Variants in GSAP observed in about 807,000 individuals in gnomAD.
GSAP encodes gamma-secretase activating protein.
GSAP carries 118 observed loss-of-function variants against 131.7 expected under a neutral mutation model. That is an observed-to-expected ratio of 0.90 (90% confidence interval 0.77 to 1.04). The LOEUF (loss-of-function observed/expected upper bound fraction) is 1.04, where lower values mean the gene tolerates loss of function less well. Ranked by LOEUF, GSAP falls within the 50% of genes least tolerant of loss-of-function variation. The probability of loss-of-function intolerance (pLI) is 0.00; values close to 1 mark genes in which losing one functional copy is unlikely to be tolerated. For synonymous variants in GSAP, 381 were observed against 363.4 expected (o/e 1.05, Z -0.55); for missense variants, 1,019 against 1,013.2 (o/e 1.01, Z -0.08).
In GSAP at chr7:77,392,663, A is replaced by G. The variant is rs563154919; in HGVS notation, c.367+4319T>C. 2.1e-4 allele frequency among the ~76,000 whole-genome samples: 32 copies of G among 152,316 alleles called. 1 individual carries two copies. Among genetic ancestry groups the G allele is most frequent in the African/African-American group, 7.0e-4 (29 of 41,574 alleles). On this transcript the variant is annotated intron_variant, in intron 5 of 30. Coordinates refer to ENST00000257626, the MANE Select transcript of GSAP (RefSeq NM_017439.4). Reference sequence around the variant, plus strand: ...AGCAGGATCAGGCAGAGGGATAGACATGACATGAGGAGAACGGAGGTGAGC... The same window carrying G: ...AGCAGGATCAGGCAGAGGGATAGACGTGACATGAGGAGAACGGAGGTGAGC...
At chr7:77,400,274 G>A (rs895731445) in intron 3 of GSAP, among the ~76,000 whole-genome samples, 10 of 151,976 alleles carry the variant, frequency 6.6e-5, no homozygotes, top group South Asian at 4.2e-4. Flanking sequence ...GCAAATCCAC[G>A]TGGATCCTGG....
chr7:77,313,344 G>C (rs184799910), intron 28 of GSAP, 144 bp downstream of exon 28: 1 of 592,946 alleles, frequency 1.7e-6, no homozygotes, highest in Non-Finnish European at 3.0e-6. Flanking sequence ...GGCTGGGGAC[G>C]GGTGGGATTT....
chr7:77,381,896 T>C (rs1797865402), intron 7 of GSAP, among the ~76,000 whole-genome samples: 1 of 151,524 alleles, frequency 6.6e-6, no homozygotes, highest in Admixed American at 6.6e-5. Flanking sequence ...AATTCAGCCA[T>C]ATTTACCTTC....
At chr7:77,402,388 AAAAAAAG>A (rs1801459184) in intron 3 of GSAP, among the ~76,000 whole-genome samples, 1 of 136,538 alleles carries the variant, frequency 7.3e-6, no homozygotes, top group Non-Finnish European at 1.5e-5. Context: ...TACTAAAAAA[AAAAAAAG>A]AAAAAAGAAA....
chr7:77,389,291 A>G (rs111336120), intron 5 of GSAP, among the ~76,000 whole-genome samples: 397 of 148,988 alleles, frequency 2.7e-3, no homozygotes, highest in South Asian at 0.016. Context: ...GTGTGTGTGT[A>G]TATATATATA....
intron 14 of GSAP, among the ~76,000 whole-genome samples, chr7:77,356,461 CATT>C (rs1007157336): frequency 9.8e-5 from 15 of 152,324 alleles, no homozygotes; most frequent in Middle Eastern, 3.4e-3. Context: ...CAGTGATCAT[CATT>C]ATCATCATCA....
rs147410227 is a variant in GSAP at position 77,405,239 on chromosome 7, G to T, written c.187-624C>A. Reference sequence around the variant, plus strand: ...TACTTGAGCCCATGAGTTTGAGGCTGCAGTCAGCTATGATTGTGCCACCAC... The same window carrying T: ...TACTTGAGCCCATGAGTTTGAGGCTTCAGTCAGCTATGATTGTGCCACCAC... On this transcript the variant is annotated intron_variant, in intron 2 of 30. Transcript: ENST00000257626. Among the ~76,000 whole-genome samples, 636 of 152,358 alleles carry T rather than the reference G, an allele frequency of 4.2e-3. 5 individuals carry two copies. The highest frequency in any genetic ancestry group is 0.014 in the African/African-American group (594 of 41,586).
intron 3 of GSAP, 81 bp from the exon 4 acceptor site, chr7:77,397,496 C>T: frequency 1.2e-6 from 1 of 805,768 alleles, no homozygotes; most frequent in Non-Finnish European, 2.1e-6. Context: ...CCATTAAGCT[C>T]TGTGCTAAGT....
chr7:77,372,122 C>A (rs548474165), intron 12 of GSAP, among the ~76,000 whole-genome samples: 1 of 152,312 alleles, frequency 6.6e-6, no homozygotes, highest in East Asian at 1.9e-4. Context: ...TTGTGTGTAG[C>A]TTCCAATTTA....
intron 19 of GSAP, among the ~76,000 whole-genome samples, chr7:77,332,659 T>TA (rs1282984812): frequency 1.3e-5 from 2 of 152,288 alleles, no homozygotes; most frequent in East Asian, 3.9e-4. Flanking sequence ...GATCTGAATT[T>TA]AAAATAAAAC....
At chr7:77,415,888 C>A in intron 1 of GSAP, 1 of 271,542 alleles carries the variant, frequency 3.7e-6, no homozygotes, top group Non-Finnish European at 7.0e-6. Flanking sequence ...CTGAGCACGA[C>A]CCTCTGCCCT....
At chr7:77,411,380 T>G (rs532536676) in intron 1 of GSAP, among the ~76,000 whole-genome samples, 1 of 152,210 alleles carries the variant, frequency 6.6e-6, no homozygotes, top group Non-Finnish European at 1.5e-5. Context: ...ATATTGCAGA[T>G]CTTATTTTCT....
intron 19 of GSAP, among the ~76,000 whole-genome samples, chr7:77,336,278 C>A (rs891591985): frequency 2.6e-5 from 4 of 152,188 alleles, no homozygotes; most frequent in Non-Finnish European, 5.9e-5. Context: ...CTCTTTCCCT[C>A]CTCTCAGTCT....
At chr7:77,322,422 T>C (rs1027981706) in intron 24 of GSAP, among the ~76,000 whole-genome samples, 3 of 152,290 alleles carry the variant, frequency 2.0e-5, no homozygotes, top group Non-Finnish European at 4.4e-5. Flanking sequence ...CTATTGGTTC[T>C]ACAGGCTGTT....
At chr7:77,376,707 G>T (rs111335752) in intron 10 of GSAP, 141 bp downstream of exon 10, 27 of 530,436 alleles carry the variant, frequency 5.1e-5, no homozygotes, top group African/African-American at 4.8e-4. Flanking sequence ...AACCCAGGAG[G>T]CAGAGCTTGC....
chr7:77,330,454 C>T (rs764640464), intron 19 of GSAP, 87 bp from the exon 20 acceptor site: 64 of 1,505,826 alleles, frequency 4.3e-5, no homozygotes, highest in Non-Finnish European at 5.2e-5. Context: ...CCTTATTTCC[C>T]GAGCTCTCAG....
At chr7:77,351,338 T>C (rs1358403540) in intron 18 of GSAP, 4 of 925,818 alleles carry the variant, frequency 4.3e-6, no homozygotes. Context: ...CATCACATTT[T>C]CTATTATCTT....
At chr7:77,352,713 T>C (rs1365880618) in intron 18 of GSAP, among the ~76,000 whole-genome samples, 4 of 152,200 alleles carry the variant, frequency 2.6e-5, no homozygotes, top group African/African-American at 7.2e-5. Flanking sequence ...GGAAGAATAA[T>C]AAATACCCTG....
In GSAP at chr7:77,414,844, C is replaced by CTTTTTTTTTTTTTTTTTTTTTTTT. The variant is rs57095326; in HGVS notation, c.109+1345_109+1368dup. On this transcript the variant is annotated intron_variant, in intron 1 of 30. Coordinates refer to ENST00000257626, the MANE Select transcript of GSAP (RefSeq NM_017439.4). ...AAAAACTTTTCAGACATGTGGGCGA[C>CTTTTTTTTTTTTTTTTTTTTTTTT]TTTTTTTTTTTTTTTTTTTTTTTTT... 6.7e-5 allele frequency among the ~76,000 whole-genome samples: 4 copies of CTTTTTTTTTTTTTTTTTTTTTTTT among 59,876 alleles called. 1 individual carries two copies. Among genetic ancestry groups the CTTTTTTTTTTTTTTTTTTTTTTTT allele is most frequent in the African/African-American group, 3.0e-4 (4 of 13,530 alleles). 39.3% of individuals were successfully genotyped at this position (59,876 alleles called of 152,430 possible).
Sources: allele counts gnomAD v4.1 joint callset (sites outside exome capture counted in the v4.1 genomes callset), GRCh38; gene constraint gnomAD v4.1.1; transcripts MANE v1.5; gene names NCBI Gene and HGNC (gene_info 2026-07-23, HGNC 2026-07-21).